Variants in ARB2A observed in about 807,000 individuals in gnomAD.
ARB2A encodes the protein ARB2 cotranscriptional regulator A.
At chr5:93,822,015 T>G in the ARB2A span, among the ~76,000 whole-genome samples, 1 of 152,098 alleles carries the variant, frequency 6.6e-6, no homozygotes, top group Non-Finnish European at 1.5e-5. Flanking sequence ...CTGACAGATA[T>G]GTGATGTGCC....
chr5:94,033,650 C>T, the ARB2A span, among the ~76,000 whole-genome samples: 4 of 152,132 alleles, frequency 2.6e-5, no homozygotes, highest in African/African-American at 9.7e-5. Context: ...GTCTCAAACT[C>T]CTGACTTCAA....
chr5:93,719,925 C>G, the ARB2A span, among the ~76,000 whole-genome samples: 1 of 152,154 alleles, frequency 6.6e-6, no homozygotes, highest in African/African-American at 2.4e-5. Context: ...CTTTTCTAAG[C>G]ACTTTGGAGT....
At chr5:93,886,499 C>T in the ARB2A span, among the ~76,000 whole-genome samples, 2 of 151,686 alleles carry the variant, frequency 1.3e-5, no homozygotes, top group Non-Finnish European at 2.9e-5. Flanking sequence ...ACGACATTTA[C>T]CCATAGACAA....
At chr5:93,865,603 A>G in the ARB2A span, 2 of 985,408 alleles carry the variant, frequency 2.0e-6, no homozygotes, top group African/African-American at 3.5e-5. Context: ...CAATTAGGAC[A>G]CTTGGGGCTA....
chr5:93,881,661 G>A, the ARB2A span: 1 of 1,589,952 alleles, frequency 6.3e-7, no homozygotes, highest in South Asian at 1.2e-5. Context: ...TTTTCATTGG[G>A]ATTTAGTACT....
chr5:93,738,535 G>A, the ARB2A span: 1 of 152,130 alleles, frequency 6.6e-6, no homozygotes, highest in Admixed American at 6.5e-5. Context: ...TAGCCCATTG[G>A]CTATTAATGA....
At chr5:93,955,989 A>T in the ARB2A span, among the ~76,000 whole-genome samples, 1 of 152,246 alleles carries the variant, frequency 6.6e-6, no homozygotes, top group Non-Finnish European at 1.5e-5. Flanking sequence ...AAGCTGCACA[A>T]TCAGAGGCTG....
At chr5:93,905,081 T>A in the ARB2A span, among the ~76,000 whole-genome samples, 3 of 151,762 alleles carry the variant, frequency 2.0e-5, no homozygotes, top group Non-Finnish European at 4.4e-5. Context: ...GTCCTACGAA[T>A]TGTCTCTGTC....
chr5:93,637,817 C>T, the ARB2A span, among the ~76,000 whole-genome samples: 1 of 152,190 alleles, frequency 6.6e-6, no homozygotes, highest in East Asian at 1.9e-4. Flanking sequence ...CCCTCAGCAC[C>T]TGGGGAGTAA....
the ARB2A span, among the ~76,000 whole-genome samples, chr5:93,755,848 T>G: frequency 6.6e-6 from 1 of 152,104 alleles, no homozygotes; most frequent in East Asian, 1.9e-4. Flanking sequence ...AGCTGAACTT[T>G]CTAACAATTT....
the ARB2A span, among the ~76,000 whole-genome samples, chr5:93,960,490 A>C: frequency 2.0e-5 from 3 of 152,178 alleles, no homozygotes; most frequent in African/African-American, 7.2e-5. Flanking sequence ...CTAGAACGTA[A>C]GTCCAGGCAG....
chr5:93,785,975 T>G, the ARB2A span, among the ~76,000 whole-genome samples: 1 of 152,140 alleles, frequency 6.6e-6, no homozygotes. Context: ...AACCCCAAAT[T>G]CCACAATATT....
chr5:93,721,189 A>G, the ARB2A span, among the ~76,000 whole-genome samples: 3 of 152,190 alleles, frequency 2.0e-5, no homozygotes, highest in Non-Finnish European at 4.4e-5. Context: ...GGTGGAACCT[A>G]GCGAGGCAGC....
chr5:93,932,002 A>T, the ARB2A span, among the ~76,000 whole-genome samples: 33 of 152,222 alleles, frequency 2.2e-4, no homozygotes, highest in Non-Finnish European at 4.4e-4. Flanking sequence ...CTGTATAAAT[A>T]AAGCACATTT....
chr5:93,884,516 T>G, the ARB2A span, among the ~76,000 whole-genome samples: 1 of 151,694 alleles, frequency 6.6e-6, no homozygotes, highest in Admixed American at 6.6e-5. Flanking sequence ...GAAATGATTC[T>G]ATTTTTAAAT....
the ARB2A span, among the ~76,000 whole-genome samples, chr5:93,936,580 T>C: frequency 2.6e-5 from 4 of 152,170 alleles, no homozygotes; most frequent in Non-Finnish European, 5.9e-5. Context: ...ATTAATGTTA[T>C]TTGGAAGTAA....
chr5:93,881,403 A>G, the ARB2A span: 1 of 1,173,284 alleles, frequency 8.5e-7, no homozygotes, highest in Non-Finnish European at 1.2e-6. Flanking sequence ...AAAACAAAAC[A>G]ATCTACATAT....
the ARB2A span, among the ~76,000 whole-genome samples, chr5:93,902,709 T>C: frequency 2.0e-5 from 3 of 152,148 alleles, no homozygotes; most frequent in African/African-American, 7.2e-5. Context: ...ATAATTTTTC[T>C]TTTAGATGTG....
chr5:94,085,802 T>C, the ARB2A span, among the ~76,000 whole-genome samples: 33 of 152,246 alleles, frequency 2.2e-4, no homozygotes, highest in Non-Finnish European at 4.3e-4. Context: ...TACACAGTGG[T>C]AAAAATGAAT....
Sources: allele counts gnomAD v4.1 joint callset (sites outside exome capture counted in the v4.1 genomes callset), GRCh38; gene constraint gnomAD v4.1.1; transcripts MANE v1.5; gene names NCBI Gene and HGNC (gene_info 2026-07-23, HGNC 2026-07-21).